Variants in OIT3 observed in about 807,000 individuals in gnomAD.
OIT3 encodes oncoprotein-induced transcript 3 protein.
In OIT3, 41 loss-of-function variants were observed where a neutral mutation model predicts 52.2. The observed-to-expected ratio is 0.79, with a 90% CI of 0.61 to 1.02. The LOEUF (loss-of-function observed/expected upper bound fraction) is 1.02, where lower values mean the gene tolerates loss of function less well. Among genes scored for constraint, OIT3 ranks in the 50% least tolerant of loss-of-function variants. The pLI, the probability that OIT3 is intolerant of heterozygous loss-of-function variation, is 0.00. For missense variants in OIT3, 634 were observed against 715.5 expected (o/e 0.89, Z 1.30); for synonymous variants, 244 against 276.9 (o/e 0.88, Z 1.18).
rs1417215540 is a variant in OIT3, at chr10:72,913,598, C to T, written c.951+130C>T. On this transcript the variant is annotated intron_variant, in intron 6 of 8. Transcript: ENST00000334011. ...ACACACAAAAGAACTGAGCTCAAAA[C>T]ATCTTACGTCATTCTTTTAACCAAC... 1.0e-5 allele frequency: 8 copies of T among 780,104 alleles called. No homozygotes were observed. The East Asian group carries it at 1.8e-4, about 17-fold the overall frequency. The allele number at this position is 780,104 out of a possible 1,614,324, so 48.3% of individuals were successfully genotyped here.
intron 3 of OIT3, among the ~76,000 whole-genome samples, chr10:72,904,379 G>A (rs914581702): frequency 2.6e-5 from 4 of 152,102 alleles, no homozygotes; most frequent in South Asian, 2.1e-4. Context: ...AAGATAAGCA[G>A]TCCAGGCTTG....
intron 6 of OIT3, among the ~76,000 whole-genome samples, chr10:72,923,043 T>G (rs1295469018): frequency 6.6e-6 from 1 of 152,170 alleles, no homozygotes; most frequent in Non-Finnish European, 1.5e-5. Flanking sequence ...ACTTGGCTAA[T>G]TTTTGTGTAT....
At chr10:72,895,438 A>C (rs1348271550) in intron 1 of OIT3, among the ~76,000 whole-genome samples, 1 of 152,160 alleles carries the variant, frequency 6.6e-6, no homozygotes, top group Admixed American at 6.6e-5. Context: ...TGCCAGAAGC[A>C]TGATAAAGGG....
chr10:72,895,974 G>C (rs1589518935), intron 1 of OIT3, among the ~76,000 whole-genome samples: 1 of 152,176 alleles, frequency 6.6e-6, no homozygotes, highest in Admixed American at 6.5e-5. Context: ...GCCTTAAAAG[G>C]GGGTAGAGTG....
At chr10:72,928,960 A>ACTT (rs754997760) in intron 7 of OIT3, among the ~76,000 whole-genome samples, 2 of 152,104 alleles carry the variant, frequency 1.3e-5, no homozygotes, top group East Asian at 1.9e-4. Flanking sequence ...TAATCTCAGC[A>ACTT]CTTTGGGAGG....
intron 4 of OIT3, among the ~76,000 whole-genome samples, chr10:72,907,524 AGCACCTGG>A (rs2132932588): frequency 6.6e-6 from 1 of 152,302 alleles, no homozygotes; most frequent in Non-Finnish European, 1.5e-5. Context: ...GCTGCTGAGA[AGCACCTGG>A]GGCTTTTACG....
At chr10:72,913,260 TC>T in intron 5 of OIT3, 47 bp from the exon 6 acceptor site, 1 of 1,474,866 alleles carries the variant, frequency 6.8e-7, no homozygotes, top group Non-Finnish European at 9.2e-7. Context: ...AAAGCCTTCC[TC>T]CCGATTCAGG....
intron 4 of OIT3, among the ~76,000 whole-genome samples, chr10:72,909,598 A>G (rs1260832995): frequency 6.6e-6 from 1 of 151,576 alleles, no homozygotes; most frequent in East Asian, 1.9e-4. Context: ...TGTATTTATT[A>G]TTATTAATTT....
chr10:72,896,575 G>T (rs1845876757), intron 1 of OIT3, among the ~76,000 whole-genome samples: 1 of 152,190 alleles, frequency 6.6e-6, no homozygotes, highest in Non-Finnish European at 1.5e-5. Context: ...TTTTCTTGGA[G>T]GCCATTAGCA....
At chr10:72,908,599 C>T (rs1257346602) in intron 4 of OIT3, among the ~76,000 whole-genome samples, 7 of 151,958 alleles carry the variant, frequency 4.6e-5, no homozygotes, top group Admixed American at 1.3e-4. Flanking sequence ...ATTGAATAGG[C>T]GTAGTATCCA....
chr10:72,930,884 A>G (rs1409780691), intron 8 of OIT3, among the ~76,000 whole-genome samples: 1 of 152,084 alleles, frequency 6.6e-6, no homozygotes, highest in African/African-American at 2.4e-5. Context: ...TTCAAAGAAA[A>G]TACTATAGGA....
intron 4 of OIT3, among the ~76,000 whole-genome samples, chr10:72,908,904 T>A (rs1012221305): frequency 1.8e-4 from 27 of 152,040 alleles, no homozygotes; most frequent in African/African-American, 6.5e-4. Flanking sequence ...TTGATAATTA[T>A]ATGTTCTTTT....
At chr10:72,919,698 G>A (rs970882717) in intron 6 of OIT3, among the ~76,000 whole-genome samples, 1 of 152,146 alleles carries the variant, frequency 6.6e-6, no homozygotes, top group Admixed American at 6.5e-5. Context: ...TGCATCTGTT[G>A]AGATAATCAT....
At chr10:72,909,991 A>G (rs963001450) in intron 4 of OIT3, among the ~76,000 whole-genome samples, 3 of 152,218 alleles carry the variant, frequency 2.0e-5, no homozygotes, top group Non-Finnish European at 4.4e-5. Flanking sequence ...TAGAGGAGCA[A>G]GAGAAAATAA....
intron 6 of OIT3, among the ~76,000 whole-genome samples, chr10:72,921,178 CTTCT>C (rs1190573783): frequency 6.6e-6 from 1 of 152,168 alleles, no homozygotes; most frequent in Non-Finnish European, 1.5e-5. Context: ...ATGTGACATT[CTTCT>C]TTGTCTTCTT....
chr10:72,900,874 C>A (rs562658210), intron 3 of OIT3, among the ~76,000 whole-genome samples: 27 of 152,112 alleles, frequency 1.8e-4, no homozygotes, highest in Admixed American at 1.7e-3. Context: ...TTGAGACCAC[C>A]CTGGGCAACA....
At position 72,905,297 on chromosome 10, in the gene OIT3, C is replaced by G. The variant is rs147769310; in HGVS notation, c.545-1299C>G. The stretch of plus-strand genomic sequence containing the variant: ...ACCAGCCTGGCCAACATGGTGAAAT[C>G]CTGTCTCTACTAAAAATACAAAAAT... On this transcript the variant is annotated intron_variant, in intron 3 of 8. Coordinates refer to ENST00000334011, the MANE Select transcript of OIT3 (RefSeq NM_152635.3). 3.1e-3 allele frequency among the ~76,000 whole-genome samples: 474 copies of G among 152,198 alleles called. 4 individuals are homozygous for G. The highest frequency in any genetic ancestry group is 0.011 in the African/African-American group (445 of 41,528).
intron 1 of OIT3, among the ~76,000 whole-genome samples, chr10:72,896,188 A>G (rs1335910045): frequency 1.3e-5 from 2 of 152,218 alleles, no homozygotes; most frequent in African/African-American, 4.8e-5. Context: ...AAATAAGGAA[A>G]TAGTTACTGA....
At chr10:72,920,197 G>T (rs1846109792) in intron 6 of OIT3, among the ~76,000 whole-genome samples, 2 of 152,108 alleles carry the variant, frequency 1.3e-5, no homozygotes, top group African/African-American at 4.8e-5. Flanking sequence ...ATTTCTTCTA[G>T]ATTTTCTAGC....
Sources: allele counts gnomAD v4.1 joint callset (sites outside exome capture counted in the v4.1 genomes callset), GRCh38; gene constraint gnomAD v4.1.1; transcripts MANE v1.5; gene names NCBI Gene and HGNC (gene_info 2026-07-23, HGNC 2026-07-21).